COQ5: variants seen among roughly 807,000 people sequenced by gnomAD.
COQ5 encodes 2-methoxy-6-polyprenyl-1,4-benzoquinol methylase, mitochondrial.
Under a neutral mutation model 40.5 loss-of-function variants are expected in COQ5, and 27 were observed. That is an observed-to-expected ratio of 0.67 (90% confidence interval 0.49 to 0.92). The LOEUF is 0.92. Ranked by LOEUF, COQ5 falls within the 40% of genes least tolerant of loss-of-function variation. COQ5 has a pLI of 0.00. For synonymous variants in COQ5, 141 were observed against 150.0 expected, an observed-to-expected ratio of 0.94 and a Z score of 0.44; for missense variants, 409 against 406.4, an observed-to-expected ratio of 1.01 and a Z score of -0.06.
At chr12:120,526,678 T>C in intron 1 of COQ5, 1 of 225,440 alleles carries the variant, frequency 4.4e-6, no homozygotes, top group South Asian at 4.4e-5. Flanking sequence ...TGGCAAATAG[T>C]GCTCAAACTA....
intron 4 of COQ5, among the ~76,000 whole-genome samples, chr12:120,507,814 G>A (rs960514828): frequency 1.2e-4 from 18 of 148,422 alleles, no homozygotes; most frequent in Non-Finnish European, 2.1e-4. Context: ...TTGAACCCAG[G>A]AGGCGGAGGT....
chr12:120,506,158 T>C (rs1868874188), intron 4 of COQ5, among the ~76,000 whole-genome samples: 1 of 152,088 alleles, frequency 6.6e-6, no homozygotes, highest in Non-Finnish European at 1.5e-5. Context: ...CCTGGCCGGT[T>C]ATTCACTTTT....
At position 120,510,004 on chromosome 12, in the gene COQ5, C is replaced by T. The variant is rs1290299105; in HGVS notation, c.681+13G>A. On this transcript the variant is annotated intron_variant, in intron 4 of 6. Transcript: ENST00000288532. ...CTGAGAGTCATACAAGCTGAGGATG[C>T]AGCCATTCATACCTGATCAATGTGT... 15 of 1,585,230 alleles carry T rather than the reference C, an allele frequency of 9.5e-6. No homozygotes were observed. The highest frequency in any genetic ancestry group is 1.3e-5 in the Non-Finnish European group (15 of 1,153,796).
chr12:120,509,310 G>A (rs934181059), intron 4 of COQ5, among the ~76,000 whole-genome samples: 1 of 151,974 alleles, frequency 6.6e-6, no homozygotes, highest in Non-Finnish European at 1.5e-5. Context: ...TGAGCTCAGG[G>A]GTTCGAGATC....
At position 120,511,672 on chromosome 12, in the gene COQ5, G is replaced by T. The variant is rs185602009; in HGVS notation, c.575-1549C>A. 2.0e-3 allele frequency among the ~76,000 whole-genome samples: 298 copies of T among 152,188 alleles called. 1 individual carries two copies. The highest frequency in any genetic ancestry group is 0.01 in the Middle Eastern group (3 of 294). On this transcript the variant is annotated intron_variant, in intron 3 of 6. Coordinates refer to ENST00000288532, the MANE Select transcript of COQ5 (RefSeq NM_032314.4). ...GTTGCTTGCCCAAGGTCACACAGAT[G>T]GACTGGAACCCAGAGCCTATGTTTT...
chr12:120,518,209 T>C (rs1031656104), intron 2 of COQ5, among the ~76,000 whole-genome samples: 39 of 152,096 alleles, frequency 2.6e-4, no homozygotes, highest in African/African-American at 9.4e-4. Context: ...GCAGATTGCT[T>C]GAGCCCAGAG....
chr12:120,524,648 G>A (rs575375987), intron 1 of COQ5, among the ~76,000 whole-genome samples: 70 of 152,244 alleles, frequency 4.6e-4, no homozygotes, highest in African/African-American at 1.6e-3. Context: ...CCTGCCAGAA[G>A]GCTGAATTGG....
chr12:120,527,474 TA>T, intron 1 of COQ5: 1 of 152,172 alleles, frequency 6.6e-6, no homozygotes, highest in Non-Finnish European at 1.5e-5. Context: ...TTAAAGGTCA[TA>T]AAACAATTCT....
rs1215186417 is a variant in COQ5 at position 120,518,498 on chromosome 12, T to C, written c.353-1710A>G. ...ACACTATTTCCAAGAAATATATCCT[T>C]GTTTCTCCCATATGTCCAACCAATT... is the stretch of plus-strand genomic sequence containing the variant. On this transcript the variant is annotated intron_variant, in intron 2 of 6. Coordinates refer to ENST00000288532, the MANE Select transcript of COQ5 (RefSeq NM_032314.4). Among the ~76,000 whole-genome samples, 81 of 151,750 alleles carry C rather than the reference T, an allele frequency of 5.3e-4. 1 individual carries two copies. The highest frequency in any genetic ancestry group is 5.3e-3 in the Admixed American group (80 of 15,210).
At position 120,522,211 on chromosome 12, in the gene COQ5, T is replaced by G. The variant is rs1565933320; in HGVS notation, c.352+3A>C. 1 of 1,614,148 alleles carries G rather than the reference T, an allele frequency of 6.2e-7. No homozygotes were observed. Among genetic ancestry groups the G allele is most frequent in the East Asian group, 2.2e-5 (1 of 44,880 alleles). On this transcript the variant is annotated splice_donor_region_variant and intron_variant, in intron 2 of 6. Coordinates refer to ENST00000288532, the MANE Select transcript of COQ5 (RefSeq NM_032314.4). ...TAGTGAAGGATACCAAACTCGACAT[T>G]ACCTGTGCCTCCAGCAACATCAAGC...
At chr12:120,514,443 C>T (rs549460272) in intron 3 of COQ5, among the ~76,000 whole-genome samples, 4 of 152,096 alleles carry the variant, frequency 2.6e-5, no homozygotes, top group East Asian at 1.9e-4. Context: ...GGCAGAATAG[C>T]GGCTCTGAAA....
At position 120,514,473 on chromosome 12, in the gene COQ5, G is replaced by T. The variant is rs1869286284; in HGVS notation, c.574+2094C>A. On this transcript the variant is annotated intron_variant, in intron 3 of 6. Transcript: ENST00000288532. ...CTGAAAAGCTGGGCTGGGCGCAGTG[G>T]CTCACACCTATAATCCCAACACTTT... 2.0e-5 allele frequency among the ~76,000 whole-genome samples: 3 copies of T among 152,182 alleles called. No individual in the cohort carries two copies. The South Asian group carries it at 6.2e-4, about 32-fold the overall frequency.
intron 3 of COQ5, among the ~76,000 whole-genome samples, chr12:120,513,313 C>G (rs1346822099): frequency 6.7e-6 from 1 of 150,192 alleles, no homozygotes; most frequent in South Asian, 2.1e-4. Context: ...ACCATCCTGG[C>G]TAACACAGAG....
chr12:120,522,469 GC>G, intron 1 of COQ5, 106 bp from the exon 2 acceptor site: 1 of 1,093,458 alleles, frequency 9.1e-7, no homozygotes, highest in Non-Finnish European at 1.4e-6. Flanking sequence ...ACCTGGCTTT[GC>G]AAGGTGAAAC....
At chr12:120,526,517 G>A (rs1869951275) in intron 1 of COQ5, 1 of 453,884 alleles carries the variant, frequency 2.2e-6, no homozygotes, top group Non-Finnish European at 4.4e-6. Flanking sequence ...AAGAAGTGAT[G>A]CCAGCAAAAA....
chr12:120,515,241 A>G (rs1710135), intron 3 of COQ5, among the ~76,000 whole-genome samples: 4,998 of 152,072 alleles, frequency 0.033, 113 homozygotes, highest in Non-Finnish European at 0.051. Context: ...ACAGGTGTGT[A>G]CCACCACACT....
At chr12:120,519,256 G>A (rs962892660) in intron 2 of COQ5, among the ~76,000 whole-genome samples, 4 of 152,094 alleles carry the variant, frequency 2.6e-5, no homozygotes, top group Admixed American at 1.3e-4. Context: ...TTCTTTAGGC[G>A]ACATAGAATT....
chr12:120,508,841 T>C (rs1593014938), intron 4 of COQ5, among the ~76,000 whole-genome samples: 1 of 151,578 alleles, frequency 6.6e-6, no homozygotes, highest in Admixed American at 6.6e-5. Context: ...CTGGCCAACA[T>C]AGTGAAATGC....
At position 120,503,799 on chromosome 12, in the gene COQ5, A is replaced by G. The variant is rs1565927914; in HGVS notation, c.969T>C (p.Ser323=). ...SLTSGIVAIH[S]GFKL ...AGGAAAGGAATTAAAGTTTGAAGCC[A>G]GAATGAATGGCCACAATGCCTGATG... Residue 323 remains serine (S), a synonymous_variant, in exon 7 of 7, where the codon TCT becomes TCC. Transcript: ENST00000288532. The G allele has an allele frequency of 1.9e-6, 3 of 1,613,780 alleles. No individual in the cohort carries two copies. The highest frequency in any genetic ancestry group is 1.7e-5 in the Admixed American group (1 of 60,022).
Sources: allele counts gnomAD v4.1 joint callset (sites outside exome capture counted in the v4.1 genomes callset), GRCh38; gene constraint gnomAD v4.1.1; transcripts MANE v1.5; gene names NCBI Gene and HGNC (gene_info 2026-07-23, HGNC 2026-07-21).